Variants in EIF3B observed in about 807,000 individuals in gnomAD.
The protein encoded by EIF3B is eukaryotic translation initiation factor 3 subunit B.
A neutral mutation model predicts 104.6 loss-of-function variants in EIF3B; 10 were observed. That is an observed-to-expected ratio of 0.10 (90% CI 0.06 to 0.16). The LOEUF is 0.16. Among genes scored for constraint, EIF3B ranks in the 10% least tolerant of loss-of-function variants. The pLI, the probability that EIF3B is intolerant of heterozygous loss-of-function variation, is 1.00. For missense variants in EIF3B, 1,014 were observed against 1,087.9 expected, an observed-to-expected ratio of 0.93 and a Z score of 0.96; for synonymous variants, 542 against 417.2, an observed-to-expected ratio of 1.30 and a Z score of -3.65.
intron 1 of EIF3B, among the ~76,000 whole-genome samples, chr7:2,360,048 C>T (rs923728531): frequency 6.6e-5 from 10 of 152,162 alleles, no homozygotes; most frequent in South Asian, 2.1e-4. Context: ...TCACCCCAGA[C>T]GCGCTTCCTC....
intron 9 of EIF3B, among the ~76,000 whole-genome samples, chr7:2,368,107 G>A (rs990434781): frequency 6.6e-6 from 1 of 151,626 alleles, no homozygotes; most frequent in African/African-American, 2.4e-5. Flanking sequence ...GCCTCCCAAA[G>A]TGCTGGGATT....
intron 6 of EIF3B, among the ~76,000 whole-genome samples, chr7:2,365,074 TC>T (rs1017204520): frequency 6.6e-6 from 1 of 152,208 alleles, no homozygotes; most frequent in Non-Finnish European, 1.5e-5. Flanking sequence ...ACCTCAGCCT[TC>T]CTGAGTAGCG....
At chr7:2,366,681 G>A in intron 8 of EIF3B, 90 bp downstream of exon 8, 2 of 1,475,964 alleles carry the variant, frequency 1.4e-6, no homozygotes, top group South Asian at 1.2e-5. Flanking sequence ...TAGAAGAGGA[G>A]GAGGAGGTTT....
At chr7:2,378,832 C>T (rs1158445113) in intron 16 of EIF3B, 66 bp downstream of exon 16, 27 of 1,396,022 alleles carry the variant, frequency 1.9e-5, no homozygotes, top group African/African-American at 2.8e-5. Context: ...GGCGGGGCTG[C>T]GGGGAGCTGC....
rs774710517 is a variant in EIF3B, at chr7:2,355,195, C to G, written c.274C>G (p.Leu92Val). The change falls in exon 1 of 19, where the codon CTG (leucine) becomes GTG (valine). Residue 92 changes from leucine to valine, a missense_variant. Physicochemically the swap from Leu to Val is conservative, Grantham distance 32 (BLOSUM62 1). Coordinates refer to ENST00000360876, the MANE Select transcript of EIF3B (RefSeq NM_001037283.2). ...GCCCTCGCCGCCGGCCGCCGAGGAG[C>G]TGCCCGGGTCGCATGCTGAGCCCCC... is the stretch of plus-strand genomic sequence containing the variant. ...ESPSPPAAEE[L>V]PGSHAEPPVP... 1.3e-6 allele frequency: 2 copies of G among 1,481,850 alleles called. No individual in the cohort carries two copies. The highest frequency in any genetic ancestry group is 1.8e-6 in the Non-Finnish European group (2 of 1,125,266). The allele number at this position is 1,481,850 out of a possible 1,614,324, so 91.8% of individuals were successfully genotyped here. A position where few individuals can be genotyped will look rare whatever the true frequency, so the allele number is the denominator to read the frequency against.
At chr7:2,364,220 C>A in intron 5 of EIF3B, 152 bp from the exon 6 acceptor site, 1 of 671,968 alleles carries the variant, frequency 1.5e-6, no homozygotes, top group Non-Finnish European at 2.5e-6. Flanking sequence ...TGAGATTGCG[C>A]CACTGCACTC....
intron 1 of EIF3B, among the ~76,000 whole-genome samples, chr7:2,357,323 C>G (rs1485780935): frequency 1.3e-5 from 2 of 152,178 alleles, no homozygotes; most frequent in Non-Finnish European, 2.9e-5. Flanking sequence ...GGTGAGGCAT[C>G]TGGTCCTGAG....
rs1025295376 is a variant in EIF3B at position 2,355,558 on chromosome 7, C to T, written c.499+138C>T. 7.3e-6 allele frequency: 9 copies of T among 1,234,682 alleles called. No individual in the cohort carries two copies. The East Asian group carries it at 1.8e-4, about 25-fold the overall frequency. 76.5% of individuals were successfully genotyped at this position (1,234,682 alleles called of 1,614,324 possible). On this transcript the variant is annotated intron_variant, in intron 1 of 18. Transcript: ENST00000360876. Reference sequence around the variant, plus strand: ...GTGTCCGTGTGTTCCTGAGAAGCCACCGAGGGAGGGGTTCCCGAGTGCCCT... The same window carrying T: ...GTGTCCGTGTGTTCCTGAGAAGCCATCGAGGGAGGGGTTCCCGAGTGCCCT...
chr7:2,355,506 C>T (rs546683050), intron 1 of EIF3B, 86 bp downstream of exon 1: 1 of 1,393,318 alleles, frequency 7.2e-7, no homozygotes, highest in Non-Finnish European at 9.3e-7. Context: ...GGCTGTGCCA[C>T]CGGTTCGTGC....
chr7:2,360,802 G>A lies in EIF3B; in HGVS notation c.592G>A (p.Asp198Asn), dbSNP rs746890634. The A allele has an allele frequency of 3.7e-6, 6 of 1,613,714 alleles. No homozygotes were observed. The highest frequency in any genetic ancestry group is 5.1e-6 in the Non-Finnish European group (6 of 1,179,682). ...GGACAATGTCCCTCAGGTGGGACCC[G>A]ACCGACTTGAGAAACTCAAAAATGT... Reference protein sequence around the residue: ...VVDNVPQVGPDRLEKLKNVIH... With the variant: ...VVDNVPQVGPNRLEKLKNVIH... Residue 198 changes from aspartate (D) to asparagine (N), a missense_variant, in exon 2 of 19, where the codon GAC (aspartate) becomes AAC (asparagine). By Grantham distance (23) the Asp-to-Asn change is conservative. Around this residue, in one of 4 missense-constraint regions of EIF3B, gnomAD observed 488 missense variants for 404.3 expected, o/e 1.21. Coordinates refer to ENST00000360876, the MANE Select transcript of EIF3B (RefSeq NM_001037283.2).
chr7:2,362,535 A>G (rs1410453856), intron 2 of EIF3B, 110 bp from the exon 3 acceptor site: 2 of 1,387,916 alleles, frequency 1.4e-6, no homozygotes, highest in Non-Finnish European at 2.0e-6. Context: ...GAAGAGCAGC[A>G]CAGATACTCC....
intron 1 of EIF3B, among the ~76,000 whole-genome samples, chr7:2,355,893 G>C (rs564288641): frequency 2.0e-5 from 3 of 152,308 alleles, no homozygotes; most frequent in African/African-American, 7.2e-5. Context: ...CTGCCCCTCA[G>C]AATTGTCCAT....
chr7:2,364,164 A>C (rs1436547611), intron 5 of EIF3B, among the ~76,000 whole-genome samples: 2 of 152,154 alleles, frequency 1.3e-5, no homozygotes, highest in Admixed American at 6.5e-5. Context: ...CGGGAGGCTG[A>C]GGCAGGAGAA....
intron 2 of EIF3B, among the ~76,000 whole-genome samples, chr7:2,361,764 C>G (rs1483056013): frequency 6.6e-6 from 1 of 151,824 alleles, no homozygotes; most frequent in Non-Finnish European, 1.5e-5. Context: ...CAATATTAGA[C>G]TACTTTTAAG....
upstream of EIF3B, chr7:2,354,230 A>ATCGCGCCAGGCAGTCGTCC (rs1215882898): frequency 2.4e-4 from 36 of 152,424 alleles, no homozygotes; most frequent in East Asian, 6.9e-3. Flanking sequence ...ACATTTTTGT[A>ATCGCGCCAGGCAGTCGTCC]TCGCGCCAGG....
chr7:2,355,348 C>G lies in EIF3B; in HGVS notation c.427C>G (p.Leu143Val), dbSNP rs779383658. The G allele has an allele frequency of 6.5e-7, 1 of 1,540,112 alleles. No individual in the cohort carries two copies. Among genetic ancestry groups the G allele is most frequent in the African/African-American group, 1.4e-5 (1 of 72,900 alleles). Reference sequence around the variant, plus strand: ...AGCGGCCGAGGCCGAACCCCGGGCGCTGGAGAACGGCGACGCGGACGAGCC... The same window carrying G: ...AGCGGCCGAGGCCGAACCCCGGGCGGTGGAGAACGGCGACGCGGACGAGCC... ...GRAAEAEPRA[L>V]ENGDADEPSF... Residue 143 changes from leucine (L) to valine (V), a missense_variant, in exon 1 of 19, where the codon CTG becomes GTG. By Grantham distance (32) the Leu-to-Val change is conservative. Around this residue, in one of 4 missense-constraint regions of EIF3B, gnomAD observed 488 missense variants for 404.3 expected, o/e 1.21. Coordinates refer to ENST00000360876, the MANE Select transcript of EIF3B (RefSeq NM_001037283.2).
chr7:2,380,101 G>A (rs1010261930), intron 18 of EIF3B, 103 bp from the exon 19 acceptor site: 2 of 312,228 alleles, frequency 6.4e-6, no homozygotes, highest in Admixed American at 4.3e-5. Context: ...TGGCCGGGGT[G>A]GCTCCTCTTG....
At chr7:2,359,564 T>TC (rs1779626139) in intron 1 of EIF3B, among the ~76,000 whole-genome samples, 1 of 152,122 alleles carries the variant, frequency 6.6e-6, no homozygotes, top group African/African-American at 2.4e-5. Flanking sequence ...CTCTGTAACG[T>TC]CCGTTATAAT....
At chr7:2,365,920 G>C (rs1035726369) in intron 6 of EIF3B, among the ~76,000 whole-genome samples, 6 of 151,948 alleles carry the variant, frequency 3.9e-5, no homozygotes, top group African/African-American at 1.5e-4. Flanking sequence ...TCCGGACCTT[G>C]GGTGATCCAC....
Sources: gnomAD v4.1 joint callset for allele counts (sites outside exome capture counted in the v4.1 genomes callset) on GRCh38, gnomAD v4.1.1 for gene constraint, gnomAD v4.1.1 regional missense constraint, MANE v1.5 for transcripts, NCBI Gene and HGNC (gene_info 2026-07-23, HGNC 2026-07-21) for gene names.